Variants in PALM2AKAP2 observed in about 807,000 individuals in gnomAD.
PALM2AKAP2 encodes the protein PALM2-AKAP2 fusion protein.
Under a neutral mutation model 71.5 loss-of-function variants are expected in PALM2AKAP2, and 37 were observed. The observed-to-expected ratio is 0.52, with a 90% CI of 0.40 to 0.68. PALM2AKAP2 has a LOEUF of 0.68. Ranked by LOEUF, PALM2AKAP2 falls within the 30% of genes least tolerant of loss-of-function variation. PALM2AKAP2 has a pLI of 0.00. For missense variants in PALM2AKAP2, 1,224 were observed against 1,191.8 expected (o/e 1.03, Z -0.40); for synonymous variants, 468 against 478.8 (o/e 0.98, Z 0.29).
chr9:109,942,285 A>G (rs1270576099), intron 6 of PALM2AKAP2, among the ~76,000 whole-genome samples: 1 of 152,224 alleles, frequency 6.6e-6, no homozygotes, highest in African/African-American at 2.4e-5. Flanking sequence ...TTTATTTAAA[A>G]TTTTGGACCT....
intron 3 of PALM2AKAP2, among the ~76,000 whole-genome samples, chr9:110,161,308 C>A (rs534791062): frequency 2.1e-3 from 318 of 152,236 alleles, no homozygotes; most frequent in African/African-American, 7.2e-3. Context: ...CTTTAAATGC[C>A]CCAAGCAGTG....
chr9:109,799,639 A>G (rs10816872), intron 1 of PALM2AKAP2, among the ~76,000 whole-genome samples: 26,994 of 152,064 alleles, frequency 0.18, 2,761 homozygotes, highest in East Asian at 0.34. Context: ...GACTGTAGGC[A>G]TGCAACACGA....
chr9:109,785,078 T>C lies in PALM2AKAP2; in HGVS notation c.45+4545T>C, dbSNP rs374444743. On this transcript the variant is annotated intron_variant, in intron 1 of 9. Transcript: ENST00000302798. ...AGAGGAAGATAGTTTTCTTTGGGCA[T>C]GAGTGAAAATAAGTAAATGTTATAT... is the stretch of plus-strand genomic sequence containing the variant. Among the ~76,000 whole-genome samples the C allele has an allele frequency of 5.9e-5, 9 of 152,336 alleles. No individual in the cohort carries two copies. In the East Asian group the frequency reaches 9.6e-4, roughly 16 times the overall value.
rs1236479907 is a variant in PALM2AKAP2 at position 110,023,685 on chromosome 9, A to T, written c.582+7646A>T. Reference sequence around the variant, plus strand: ...GACCTAACAGCTCTCCTTCATAGCCACTCACATCAATAACCATAGATGTCG... The same window carrying T: ...GACCTAACAGCTCTCCTTCATAGCCTCTCACATCAATAACCATAGATGTCG... On this transcript the variant is annotated intron_variant, in intron 7 of 9. Coordinates refer to the PALM2AKAP2 transcript ENST00000302798. 2.0e-5 allele frequency among the ~76,000 whole-genome samples: 3 copies of T among 151,646 alleles called. No homozygotes were observed. In the East Asian group the frequency reaches 5.9e-4, roughly 30 times the overall value.
intron 1 of PALM2AKAP2, among the ~76,000 whole-genome samples, chr9:109,664,016 C>CT (rs954730085): frequency 4.0e-5 from 6 of 151,740 alleles, no homozygotes; most frequent in Non-Finnish European, 7.4e-5. Context: ...CAACCCCTGC[C>CT]TTTTTTTTGT....
chr9:110,049,649 A>T (rs1333551708), intron 1 of PALM2AKAP2, among the ~76,000 whole-genome samples: 1 of 151,950 alleles, frequency 6.6e-6, no homozygotes, highest in Non-Finnish European at 1.5e-5. Flanking sequence ...ACCGTGGGGG[A>T]GAGCACTGGG....
chr9:109,646,816 T>C (rs773092303), intron 1 of PALM2AKAP2, among the ~76,000 whole-genome samples: 4 of 152,240 alleles, frequency 2.6e-5, no homozygotes, highest in Non-Finnish European at 4.4e-5. Context: ...GAGTTTGAAC[T>C]ATTTTTCTTG....
At chr9:110,164,528 C>CTTT (rs35588802) in intron 3 of PALM2AKAP2, among the ~76,000 whole-genome samples, 2 of 129,278 alleles carry the variant, frequency 1.5e-5, no homozygotes, top group African/African-American at 2.9e-5. Flanking sequence ...ATTTAGTTTA[C>CTTT]TTTTTTTTTT....
chr9:109,835,193 G>A (rs1828427166), intron 1 of PALM2AKAP2, among the ~76,000 whole-genome samples: 1 of 150,618 alleles, frequency 6.6e-6, no homozygotes, highest in African/African-American at 2.4e-5. Context: ...AGAGGAGAGG[G>A]TGTAGGGAAA....
intron 6 of PALM2AKAP2, among the ~76,000 whole-genome samples, chr9:109,979,245 G>A (rs954969371): frequency 3.3e-5 from 5 of 152,166 alleles, no homozygotes; most frequent in East Asian, 1.9e-4. Context: ...CGTCCACCTC[G>A]GCCTCCCAAA....
At chr9:109,941,499 G>A (rs1831365902) in intron 6 of PALM2AKAP2, among the ~76,000 whole-genome samples, 1 of 152,188 alleles carries the variant, frequency 6.6e-6, no homozygotes, top group South Asian at 2.1e-4. Context: ...TGGCTTGAGA[G>A]ACTAGGTAGC....
Position 109,967,296 on chromosome 9 carries a change from C to T in PALM2AKAP2, c.496+35268C>T, listed in dbSNP as rs375131004. Among the ~76,000 whole-genome samples, 41 of 152,312 alleles carry T rather than the reference C, an allele frequency of 2.7e-4. No individual in the cohort carries two copies. The South Asian group carries it at 8.5e-3, about 32-fold the overall frequency. On this transcript the variant is annotated intron_variant, in intron 6 of 9. Coordinates refer to the PALM2AKAP2 transcript ENST00000302798. ...AGAGAACCAGGCAGAAGATGTATTA[C>T]CTTTTCTTGCCCAGCCTCCAAGTCT... is the stretch of plus-strand genomic sequence containing the variant.
At chr9:109,752,602 C>CA (rs964882074) in intron 1 of PALM2AKAP2, among the ~76,000 whole-genome samples, 23 of 151,990 alleles carry the variant, frequency 1.5e-4, no homozygotes, top group Middle Eastern at 3.2e-3. Context: ...GGGAGAAGCC[C>CA]AAGGGGATGA....
chr9:109,883,841 G>A (rs1164474443), intron 3 of PALM2AKAP2, among the ~76,000 whole-genome samples: 1 of 152,226 alleles, frequency 6.6e-6, no homozygotes, highest in African/African-American at 2.4e-5. Flanking sequence ...CGTGTTGCCT[G>A]AGTCCACTCT....
intron 3 of PALM2AKAP2, among the ~76,000 whole-genome samples, chr9:109,913,692 A>G (rs1254372901): frequency 6.6e-6 from 1 of 151,678 alleles, no homozygotes; most frequent in Non-Finnish European, 1.5e-5. Context: ...ATTAATTAGG[A>G]TTCCATGTGG....
At chr9:109,837,009 A>G (rs949326909) in intron 1 of PALM2AKAP2, among the ~76,000 whole-genome samples, 3 of 152,214 alleles carry the variant, frequency 2.0e-5, no homozygotes, top group African/African-American at 7.2e-5. Flanking sequence ...CCAACATTCA[A>G]ATTCAGGAAA....
At position 109,663,282 on chromosome 9, in the gene PALM2AKAP2, G is replaced by A. The variant is rs148068531; in HGVS notation, c.5+22416G>A. On this transcript the variant is annotated intron_variant, in intron 1 of 6. Coordinates refer to the PALM2AKAP2 transcript ENST00000374531. Reference sequence around the variant, plus strand: ...TAGTTCTTTTAATTGTGATGTTAGGGTGTTGATTTTAGATCTTTCCTGCTT... The same window carrying A: ...TAGTTCTTTTAATTGTGATGTTAGGATGTTGATTTTAGATCTTTCCTGCTT... 4.7e-3 allele frequency among the ~76,000 whole-genome samples: 716 copies of A among 152,210 alleles called. 9 individuals are homozygous for A. Among genetic ancestry groups the A allele is most frequent in the African/African-American group, 0.016 (682 of 41,524 alleles).
chr9:109,929,775 A>G lies in PALM2AKAP2; in HGVS notation c.395-2152A>G, dbSNP rs376304605. ...GCTACTCGGGAGGCTGAGGCAGGAG[A>G]ATGGCGTGAACCTGGGAGGCAGAGC... On this transcript the variant is annotated intron_variant, in intron 5 of 9. Transcript: ENST00000302798. 3.7e-3 allele frequency among the ~76,000 whole-genome samples: 555 copies of G among 150,414 alleles called. 4 individuals are homozygous for G. The highest frequency in any genetic ancestry group is 0.029 in the East Asian group (146 of 5,066).
chr9:110,154,050 A>C (rs1836385920), intron 2 of PALM2AKAP2, among the ~76,000 whole-genome samples: 1 of 152,226 alleles, frequency 6.6e-6, no homozygotes, highest in South Asian at 2.1e-4. Context: ...CTGGTCCCAG[A>C]AGAGATGCAA....
Sources: gnomAD v4.1 joint callset for allele counts (sites outside exome capture counted in the v4.1 genomes callset) on GRCh38, gnomAD v4.1.1 for gene constraint, MANE v1.5 for transcripts, NCBI Gene and HGNC (gene_info 2026-07-23, HGNC 2026-07-21) for gene names.